Variants in MAPK8 observed in about 807,000 individuals in gnomAD.
MAPK8 encodes the protein JUN N-terminal kinase.
Under a neutral mutation model 52.9 loss-of-function variants are expected in MAPK8, and 13 were observed. The ratio of observed to expected loss-of-function variants is 0.25; its 90% confidence interval spans 0.16 to 0.39. The LOEUF is 0.39. Ranked by LOEUF, MAPK8 falls within the 10% of genes least tolerant of loss-of-function variation. The pLI is 1.00. For synonymous variants in MAPK8, 191 were observed against 169.8 expected (o/e 1.12, Z -0.97); for missense variants, 300 against 519.2 (o/e 0.58, Z 4.10).
chr10:48,312,673 G>T (rs930677645), intron 1 of MAPK8, among the ~76,000 whole-genome samples: 10 of 152,342 alleles, frequency 6.6e-5, no homozygotes, highest in Non-Finnish European at 1.3e-4. Flanking sequence ...CCAAAGGTAA[G>T]ATAAAGAAAA....
chr10:48,407,252 TCTAA>T (rs1589217353), intron 3 of MAPK8, among the ~76,000 whole-genome samples: 2 of 152,358 alleles, frequency 1.3e-5, no homozygotes, highest in East Asian at 1.9e-4. Context: ...AAATTACGTG[TCTAA>T]CTATCACAGT....
At chr10:48,403,805 G>A (rs2042289503) in intron 2 of MAPK8, among the ~76,000 whole-genome samples, 1 of 151,742 alleles carries the variant, frequency 6.6e-6, no homozygotes, top group Non-Finnish European at 1.5e-5. Flanking sequence ...CTAGAGTGCA[G>A]TGGCGTGATC....
intron 1 of MAPK8, among the ~76,000 whole-genome samples, chr10:48,331,459 G>A (rs1029975456): frequency 1.3e-5 from 2 of 152,226 alleles, no homozygotes; most frequent in Non-Finnish European, 2.9e-5. Flanking sequence ...TAACTTTAAG[G>A]GTTCCTCAGT....
chr10:48,367,774 G>A (rs1461961841), intron 1 of MAPK8, among the ~76,000 whole-genome samples: 1 of 152,094 alleles, frequency 6.6e-6, no homozygotes. Context: ...AAAATTCAAC[G>A]AAAGATACCA....
At chr10:48,378,379 A>G (rs574772734) in intron 1 of MAPK8, among the ~76,000 whole-genome samples, 1 of 151,420 alleles carries the variant, frequency 6.6e-6, no homozygotes, top group East Asian at 1.9e-4. Flanking sequence ...GAATCCCATG[A>G]TTTTAGTTTC....
At chr10:48,326,852 G>A (rs1252623182) in intron 1 of MAPK8, among the ~76,000 whole-genome samples, 1 of 152,106 alleles carries the variant, frequency 6.6e-6, no homozygotes, top group African/African-American at 2.4e-5. Flanking sequence ...TATTTACTTA[G>A]TTGTTCAATT....
chr10:48,354,327 T>A (rs1241194497), intron 1 of MAPK8, among the ~76,000 whole-genome samples: 1 of 152,184 alleles, frequency 6.6e-6, no homozygotes, highest in Non-Finnish European at 1.5e-5. Context: ...TTCCTCAGCA[T>A]CAGAGAGCAT....
intron 1 of MAPK8, among the ~76,000 whole-genome samples, chr10:48,326,743 A>T (rs986202480): frequency 2.0e-5 from 3 of 152,216 alleles, no homozygotes; most frequent in Middle Eastern, 3.4e-3. Flanking sequence ...AATGTCTTCA[A>T]CTCTAATCTA....
At chr10:48,419,439 C>G (rs913255992) in intron 5 of MAPK8, among the ~76,000 whole-genome samples, 6 of 152,156 alleles carry the variant, frequency 3.9e-5, no homozygotes, top group Non-Finnish European at 7.3e-5. Flanking sequence ...TGCTGCCTGA[C>G]TTTTGATGGG....
At chr10:48,395,799 C>G (rs76395546) in intron 1 of MAPK8, among the ~76,000 whole-genome samples, 7,099 of 152,018 alleles carry the variant, frequency 0.047, 555 homozygotes, top group African/African-American at 0.16. Context: ...ATCAGTGAAA[C>G]AGAATTAAAA....
intron 1 of MAPK8, among the ~76,000 whole-genome samples, chr10:48,323,255 A>G (rs983070423): frequency 3.3e-5 from 5 of 152,218 alleles, no homozygotes; most frequent in Admixed American, 3.3e-4. Context: ...GCATTCATGT[A>G]TCAAAGGCGC....
At chr10:48,418,060 T>A (rs1053433002) in intron 5 of MAPK8, among the ~76,000 whole-genome samples, 6 of 152,228 alleles carry the variant, frequency 3.9e-5, no homozygotes, top group Non-Finnish European at 5.9e-5. Flanking sequence ...ATAGGTGATC[T>A]GTACTTGAAT....
chr10:48,324,983 C>CA (rs1843366719), intron 1 of MAPK8, among the ~76,000 whole-genome samples: 1 of 79,772 alleles, frequency 1.3e-5, no homozygotes, highest in Non-Finnish European at 2.7e-5. Flanking sequence ...CCCTATCATC[C>CA]TTTTTTTTTT....
At chr10:48,374,087 A>G (rs2040501939) in intron 1 of MAPK8, among the ~76,000 whole-genome samples, 1 of 152,198 alleles carries the variant, frequency 6.6e-6, no homozygotes, top group African/African-American at 2.4e-5. Context: ...AGGATTAAGA[A>G]ACTCACTCAA....
At chr10:48,378,568 G>A (rs920964152) in intron 1 of MAPK8, among the ~76,000 whole-genome samples, 17 of 152,044 alleles carry the variant, frequency 1.1e-4, no homozygotes, top group Admixed American at 7.2e-4. Context: ...CTTCTTTACA[G>A]ACTGGTTGTA....
intron 1 of MAPK8, among the ~76,000 whole-genome samples, chr10:48,343,386 G>A (rs970040655): frequency 1.3e-5 from 2 of 152,156 alleles, no homozygotes; most frequent in African/African-American, 4.8e-5. Context: ...TTCTCAGACA[G>A]CTGTAATGAC....
intron 1 of MAPK8, among the ~76,000 whole-genome samples, chr10:48,313,911 C>T (rs1842237692): frequency 6.6e-6 from 1 of 152,144 alleles, no homozygotes; most frequent in Admixed American, 6.5e-5. Flanking sequence ...GATCCACCTG[C>T]CTTGGCCTCC....
intron 1 of MAPK8, among the ~76,000 whole-genome samples, chr10:48,319,787 C>G (rs568127138): frequency 6.6e-6 from 1 of 151,908 alleles, no homozygotes; most frequent in East Asian, 2.0e-4. Flanking sequence ...CCACTGCACC[C>G]AGCGCATTCT....
rs191986573 is a variant in MAPK8 at position 48,384,150 on chromosome 10, G to A, written c.-49-17462G>A. ...ACCTGTAATCCCAGCTGCGTGGGAG[G>A]GTGAGGCAGAAGAATCGCTTGAGCC... is the stretch of plus-strand genomic sequence containing the variant. On this transcript the variant is annotated intron_variant, in intron 1 of 11. Transcript: ENST00000374189. 1.3e-3 allele frequency among the ~76,000 whole-genome samples: 195 copies of A among 152,298 alleles called. 4 individuals carry two copies. The highest frequency in any genetic ancestry group is 0.01 in the Middle Eastern group (3 of 294).
Sources: gnomAD v4.1 joint callset for allele counts (sites outside exome capture counted in the v4.1 genomes callset) on GRCh38, gnomAD v4.1.1 for gene constraint, MANE v1.5 for transcripts, NCBI Gene and HGNC (gene_info 2026-07-23, HGNC 2026-07-21) for gene names.